CACNA2D1: variants seen among roughly 807,000 people sequenced by gnomAD.
CACNA2D1 encodes the protein calcium voltage-gated channel auxiliary subunit alpha2delta 1, also known as voltage-dependent calcium channel subunit alpha-2/delta-1.
A neutral mutation model predicts 171.5 loss-of-function variants in CACNA2D1; 53 were observed. That is an observed-to-expected ratio of 0.31 (90% CI 0.25 to 0.39). The LOEUF (loss-of-function observed/expected upper bound fraction) is 0.39. Ranked by LOEUF, CACNA2D1 falls within the 10% of genes least tolerant of loss-of-function variation. The pLI, the probability that CACNA2D1 is intolerant of heterozygous loss-of-function variation, is 1.00. For synonymous variants in CACNA2D1, 442 were observed against 443.1 expected, an observed-to-expected ratio of 1.00 and a Z score of 0.03; for missense variants, 903 against 1,299.8, an observed-to-expected ratio of 0.69 and a Z score of 4.69.
At chr7:82,388,844 G>A (rs536790822) in intron 1 of CACNA2D1, among the ~76,000 whole-genome samples, 4 of 152,002 alleles carry the variant, frequency 2.6e-5, no homozygotes, top group African/African-American at 7.2e-5. Flanking sequence ...GGCCGGGCAC[G>A]GTGGCTCACG....
intron 1 of CACNA2D1, among the ~76,000 whole-genome samples, chr7:82,401,722 A>C (rs1826448273): frequency 6.6e-6 from 1 of 152,122 alleles, no homozygotes; most frequent in Admixed American, 6.5e-5. Flanking sequence ...AAGAAAAAAA[A>C]AGAAATGAAA....
At position 81,959,726 on chromosome 7, in the gene CACNA2D1, G is replaced by A; in HGVS notation, c.3070C>T (p.Gln1024Ter). 6.2e-7 allele frequency: 1 copy of A among 1,611,832 alleles called. No homozygotes were observed. Among genetic ancestry groups the A allele is most frequent in the Non-Finnish European group, 8.5e-7 (1 of 1,178,630 alleles). Residue 1024 changes from glutamine to a stop codon, truncating the protein, a stop_gained, in exon 37 of 39, where the codon CAG (glutamine) becomes TAG (stop). Coordinates refer to ENST00000356860, the MANE Select transcript of CACNA2D1 (RefSeq NM_000722.4). LOFTEE classifies it high-confidence loss of function. Reference sequence around the variant, plus strand: ...CTCTGATGTCAAAGGATACAAGTCTGCTCCGCTTGTATGAGCAGTCGTGTG... The same window carrying A: ...CTCTGATGTCAAAGGATACAAGTCTACTCCGCTTGTATGAGCAGTCGTGTG... ...CDTRLLIQAE[Q>*]TSDGPNPCDM...
At chr7:81,982,013 C>T (rs1179239775) in intron 24 of CACNA2D1, among the ~76,000 whole-genome samples, 3 of 152,068 alleles carry the variant, frequency 2.0e-5, no homozygotes, top group Non-Finnish European at 1.5e-5. Flanking sequence ...TATACATATT[C>T]ACAGGTAAAA....
chr7:82,345,303 T>C (rs1286515662), intron 2 of CACNA2D1, among the ~76,000 whole-genome samples: 2 of 152,186 alleles, frequency 1.3e-5, no homozygotes, highest in African/African-American at 4.8e-5. Context: ...TATTGAAATG[T>C]AAAGGTATTG....
intron 20 of CACNA2D1, among the ~76,000 whole-genome samples, chr7:81,992,474 T>G (rs1012882282): frequency 1.3e-5 from 2 of 151,896 alleles, no homozygotes; most frequent in African/African-American, 4.8e-5. Context: ...GGGAACAGGG[T>G]TGTGAAGAGG....
At chr7:82,337,654 A>C (rs768958247) in intron 2 of CACNA2D1, among the ~76,000 whole-genome samples, 2 of 152,184 alleles carry the variant, frequency 1.3e-5, no homozygotes, top group Non-Finnish European at 2.9e-5. Flanking sequence ...AGCATGGTGG[A>C]AATAATACGA....
At chr7:82,363,254 C>CTTTTTTTTTTTTTTTTTTTTTTTTTTTTT (rs35419275) in intron 1 of CACNA2D1, among the ~76,000 whole-genome samples, 1 of 63,420 alleles carries the variant, frequency 1.6e-5, no homozygotes, top group African/African-American at 8.4e-5. Flanking sequence ...TTATTTGTCT[C>CTTTTTTTTTTTTTTTTTTTTTTTTTTTTT]TTTTTTTTTT....
intron 1 of CACNA2D1, among the ~76,000 whole-genome samples, chr7:82,391,904 A>C (rs1825165557): frequency 6.6e-6 from 1 of 152,194 alleles, no homozygotes; most frequent in Non-Finnish European, 1.5e-5. Context: ...GTTTGACATA[A>C]ACTTTCCTAT....
chr7:82,269,112 C>T (rs767298961), intron 3 of CACNA2D1, among the ~76,000 whole-genome samples: 1 of 152,080 alleles, frequency 6.6e-6, no homozygotes, highest in Non-Finnish European at 1.5e-5. Flanking sequence ...ACACATAGTC[C>T]CTCTTTCCTA....
intron 1 of CACNA2D1, among the ~76,000 whole-genome samples, chr7:82,377,804 C>T (rs1242098330): frequency 6.6e-6 from 1 of 152,122 alleles, no homozygotes; most frequent in Admixed American, 6.5e-5. Context: ...GTGAACCTAG[C>T]TTTTTCTTTC....
At chr7:82,138,087 TCA>T (rs1333896040) in intron 4 of CACNA2D1, among the ~76,000 whole-genome samples, 1 of 152,142 alleles carries the variant, frequency 6.6e-6, no homozygotes, top group African/African-American at 2.4e-5. Context: ...CGGCAGAACT[TCA>T]CAGAGACAAT....
Position 82,443,732 on chromosome 7 carries a change from T to C in CACNA2D1, c.-273A>G. ...CCTCCGCCGCCATCAAGGGCGACTT[T>C]GGAAACAGACCTCGGCGAGCCCGCC... On this transcript the variant is annotated 5_prime_UTR_variant, in exon 1 of 39. Coordinates refer to ENST00000356860, the MANE Select transcript of CACNA2D1 (RefSeq NM_000722.4). 1 of 1,226,894 alleles carries C rather than the reference T, an allele frequency of 8.2e-7. No individual in the cohort carries two copies. Among genetic ancestry groups the C allele is most frequent in the Non-Finnish European group, 1.0e-6 (1 of 983,812 alleles). The allele number at this position is 1,226,894 out of a possible 1,614,324, so 76.0% of individuals were successfully genotyped here.
At chr7:82,416,211 T>C (rs755939553) in intron 1 of CACNA2D1, among the ~76,000 whole-genome samples, 12 of 151,900 alleles carry the variant, frequency 7.9e-5, no homozygotes, top group Admixed American at 3.9e-4. Context: ...CGAGACTCTG[T>C]CTCAAAAAAT....
At chr7:82,335,666 G>C (rs1005853641) in intron 2 of CACNA2D1, among the ~76,000 whole-genome samples, 1 of 152,060 alleles carries the variant, frequency 6.6e-6, no homozygotes, top group African/African-American at 2.4e-5. Flanking sequence ...AGGAGGAAGG[G>C]TTATGTGCTA....
intron 3 of CACNA2D1, among the ~76,000 whole-genome samples, chr7:82,321,957 T>A (rs1585484714): frequency 1.3e-5 from 2 of 149,978 alleles, no homozygotes; most frequent in East Asian, 3.9e-4. Flanking sequence ...AAACCCCGTC[T>A]CTACTAAAAA....
At chr7:82,135,523 G>A (rs891209731) in intron 5 of CACNA2D1, among the ~76,000 whole-genome samples, 2 of 151,958 alleles carry the variant, frequency 1.3e-5, no homozygotes, top group Admixed American at 1.3e-4. Flanking sequence ...CTATAAACTG[G>A]AGAAAATAAA....
chr7:82,252,307 C>T (rs1805737553), intron 3 of CACNA2D1, among the ~76,000 whole-genome samples: 1 of 152,074 alleles, frequency 6.6e-6, no homozygotes, highest in African/African-American at 2.4e-5. Flanking sequence ...ACTCATTTTT[C>T]CAAAGTAAAG....
chr7:81,962,844 T>G (rs1794304093), intron 34 of CACNA2D1, among the ~76,000 whole-genome samples: 1 of 152,084 alleles, frequency 6.6e-6, no homozygotes, highest in Non-Finnish European at 1.5e-5. Flanking sequence ...TTTTAGTTTT[T>G]AAAACCATTT....
chr7:81,968,403 G>C (rs1206900902), intron 29 of CACNA2D1, among the ~76,000 whole-genome samples: 1 of 151,288 alleles, frequency 6.6e-6, no homozygotes, highest in East Asian at 1.9e-4. Flanking sequence ...ATATTTTATA[G>C]CAAGTTTTTA....
Sources: gnomAD v4.1 joint callset for allele counts (sites outside exome capture counted in the v4.1 genomes callset) on GRCh38, gnomAD v4.1.1 for gene constraint, MANE v1.5 for transcripts, NCBI Gene and HGNC (gene_info 2026-07-23, HGNC 2026-07-21) for gene names.